Variants in CIDEA observed in about 807,000 individuals in gnomAD.
The protein encoded by CIDEA is cell death inducing DFFA like effector a.
Under a neutral mutation model 18.2 loss-of-function variants are expected in CIDEA, and 10 were observed. The ratio of observed to expected loss-of-function variants is 0.55; its 90% CI spans 0.34 to 0.93. The LOEUF is 0.93. Ranked by LOEUF, CIDEA falls within the 40% of genes least tolerant of loss-of-function variation. CIDEA has a pLI of 0.02. For synonymous variants in CIDEA, 128 were observed against 124.8 expected, an observed-to-expected ratio of 1.03 and a Z score of -0.17; for missense variants, 309 against 293.1, an observed-to-expected ratio of 1.05 and a Z score of -0.40.
chr18:12,275,628 G>A (rs1905306053), intron 4 of CIDEA, among the ~76,000 whole-genome samples: 2 of 152,180 alleles, frequency 1.3e-5, no homozygotes, highest in Admixed American at 6.5e-5. Context: ...TCCGTCCCCC[G>A]TGGCCTTGAC....
intron 1 of CIDEA, among the ~76,000 whole-genome samples, chr18:12,262,185 G>C (rs1434947683): frequency 6.6e-6 from 1 of 151,832 alleles, no homozygotes; most frequent in Non-Finnish European, 1.5e-5. Flanking sequence ...GAAAAAAAAA[G>C]TAAATTTTTG....
At chr18:12,272,619 A>G (rs1261532184) in intron 3 of CIDEA, among the ~76,000 whole-genome samples, 1 of 152,210 alleles carries the variant, frequency 6.6e-6, no homozygotes, top group African/African-American at 2.4e-5. Context: ...AAGTGCTGGG[A>G]TTACAGGTGT....
chr18:12,274,818 C>T (rs1044311233), intron 4 of CIDEA, among the ~76,000 whole-genome samples: 19 of 152,214 alleles, frequency 1.2e-4, no homozygotes, highest in African/African-American at 4.6e-4. Flanking sequence ...AGAAGACAGA[C>T]TCCTGATCCA....
At chr18:12,267,337 G>C (rs563730159) in intron 3 of CIDEA, among the ~76,000 whole-genome samples, 1 of 152,368 alleles carries the variant, frequency 6.6e-6, no homozygotes, top group African/African-American at 2.4e-5. Context: ...GTACTTCTAA[G>C]TAAATACACA....
At chr18:12,264,609 A>C (rs1196067004) in intron 3 of CIDEA, among the ~76,000 whole-genome samples, 156 bp downstream of exon 3, 1 of 150,906 alleles carries the variant, frequency 6.6e-6, no homozygotes, top group Non-Finnish European at 1.5e-5. Context: ...GCTGGAGTGC[A>C]GTGGCGCGAT....
At chr18:12,258,883 A>G (rs919261255) in intron 1 of CIDEA, among the ~76,000 whole-genome samples, 1 of 152,208 alleles carries the variant, frequency 6.6e-6, no homozygotes, top group African/African-American at 2.4e-5. Context: ...TTCAGCTGCC[A>G]TGATGAGGTG....
At chr18:12,263,248 C>G (rs8091393) in intron 2 of CIDEA, among the ~76,000 whole-genome samples, 22,979 of 152,138 alleles carry the variant, frequency 0.15, 2,716 homozygotes, top group African/African-American at 0.31. Context: ...CAAGTGCATG[C>G]CAGTTTCTTT....
At chr18:12,274,370 C>T (rs1028820630) in intron 4 of CIDEA, 96 bp downstream of exon 4, 41 of 1,205,270 alleles carry the variant, frequency 3.4e-5, no homozygotes, top group Non-Finnish European at 4.5e-5. Context: ...GCTCCCAGGC[C>T]GGCTAGCACT....
chr18:12,254,536 T>A, intron 1 of CIDEA, 115 bp downstream of exon 1: 1 of 1,446,764 alleles, frequency 6.9e-7, no homozygotes, highest in South Asian at 1.2e-5. Context: ...AGCCCCCTGC[T>A]CCCCGCATTC....
chr18:12,268,976 C>T (rs7245001), intron 3 of CIDEA, among the ~76,000 whole-genome samples: 27,761 of 151,784 alleles, frequency 0.18, 2,781 homozygotes, highest in Non-Finnish European at 0.22. Context: ...CAGGTGCCTG[C>T]CACCACGCCC....
At chr18:12,273,807 C>T (rs1912618397) in intron 3 of CIDEA, among the ~76,000 whole-genome samples, 1 of 152,212 alleles carries the variant, frequency 6.6e-6, no homozygotes, top group South Asian at 2.1e-4. Flanking sequence ...CACATCTATC[C>T]ACTGAGCAAC....
intron 1 of CIDEA, 95 bp downstream of exon 1, chr18:12,254,516 C>T: frequency 1.3e-6 from 2 of 1,541,332 alleles, no homozygotes; most frequent in Non-Finnish European, 8.7e-7. Context: ...TACCGTACCC[C>T]GCTCCCTTCA....
chr18:12,270,260 G>T (rs373203400), intron 3 of CIDEA, among the ~76,000 whole-genome samples: 2 of 151,894 alleles, frequency 1.3e-5, no homozygotes, highest in Non-Finnish European at 2.9e-5. Context: ...TTCATTTTAC[G>T]TCTTTCTGTC....
At chr18:12,260,096 A>C (rs1436766296) in intron 1 of CIDEA, among the ~76,000 whole-genome samples, 1 of 152,192 alleles carries the variant, frequency 6.6e-6, no homozygotes, top group East Asian at 1.9e-4. Context: ...TGAAACTGGG[A>C]TCAAGCTGGT....
intron 1 of CIDEA, chr18:12,255,069 G>A (rs552233454): frequency 1.7e-5 from 9 of 536,750 alleles, no homozygotes; most frequent in East Asian, 7.2e-5. Flanking sequence ...TCTTCCCTGC[G>A]CTTCGCACCC....
At chr18:12,268,362 G>A (rs996149950) in intron 3 of CIDEA, among the ~76,000 whole-genome samples, 2 of 145,800 alleles carry the variant, frequency 1.4e-5, no homozygotes, top group African/African-American at 5.1e-5. Flanking sequence ...TTACAGGCAT[G>A]AGCCACCGCC....
At chr18:12,277,045 G>A in intron 4 of CIDEA, 78 bp from the exon 5 acceptor site, 1 of 1,525,916 alleles carries the variant, frequency 6.6e-7, no homozygotes, top group Non-Finnish European at 9.0e-7. Flanking sequence ...GGTGGGGGGA[G>A]TGAAGTATTC....
At position 12,274,228 on chromosome 18, in the gene CIDEA, T is replaced by C. The variant is rs753056448; in HGVS notation, c.466T>C (p.Ser156Pro). The change falls in exon 4 of 5, where the codon TCC (serine) becomes CCC (proline). Residue 156 changes from serine to proline, a missense_variant. Transcript: ENST00000320477. ...GAAGGCCACCATGTATGAGATGTAC[T>C]CCGTGTCCTACGACATCCGGTGCAC... ...NVKATMYEMY[S>P]VSYDIRCTGL... 43 of 1,614,202 alleles carry C rather than the reference T, an allele frequency of 2.7e-5. No homozygotes were observed. Among genetic ancestry groups the C allele is most frequent in the Non-Finnish European group, 3.6e-5 (43 of 1,180,034 alleles).
chr18:12,262,973 C>T lies in CIDEA; in HGVS notation c.183+4C>T. ...CCTGCAGGAGCTCATCAGCAAGGTG[C>T]CCCACATCCCGCACCTCTCCCCCAG... On this transcript the variant is annotated splice_donor_region_variant and intron_variant, in intron 2 of 4. Coordinates refer to ENST00000320477, the MANE Select transcript of CIDEA (RefSeq NM_001279.4). The T allele has an allele frequency of 1.9e-6, 3 of 1,613,786 alleles. No individual in the cohort carries two copies. Among genetic ancestry groups the T allele is most frequent in the Non-Finnish European group, 2.5e-6 (3 of 1,179,904 alleles).
Sources: allele counts gnomAD v4.1 joint callset (sites outside exome capture counted in the v4.1 genomes callset), GRCh38; gene constraint gnomAD v4.1.1; transcripts MANE v1.5; gene names NCBI Gene and HGNC (gene_info 2026-07-23, HGNC 2026-07-21).